TDRD15: variants seen among roughly 807,000 people sequenced by gnomAD.
TDRD15 encodes tudor domain containing 15, also known as tudor domain-containing protein 15.
For missense variants in TDRD15, 1,416 were observed against 904.7 expected (o/e 1.57, Z -7.25); for synonymous variants, 503 against 314.5 (o/e 1.60, Z -6.34).
rs1355649853 is a variant in TDRD15 at position 21,140,914 on chromosome 2, A to G, written c.3447A>G (p.Gln1149=). The G allele has an allele frequency of 4.2e-6, 3 of 708,500 alleles. No homozygotes were observed. Among genetic ancestry groups the G allele is most frequent in the African/African-American group, 1.8e-5 (1 of 56,506 alleles). 43.9% of individuals were successfully genotyped at this position (708,500 alleles called of 1,614,324 possible). A position where few individuals can be genotyped will look rare whatever the true frequency, so the allele number is the denominator to read the frequency against. Residue 1149 remains glutamine (Q), a synonymous_variant, in exon 4 of 4, where the codon CAA becomes CAG. Coordinates refer to ENST00000405799, the MANE Select transcript of TDRD15 (RefSeq NM_001306137.2). ...CTTATGGAAAAAGACATTGTGACCA[A>G]GCATGCTGCATGGAAAAGAGTAATA... is the stretch of plus-strand genomic sequence containing the variant. The part of the protein sequence containing the change: ...LHAYGKRHCD[Q]ACCMEKSNKI...
chr2:21,127,813 C>G (rs573875471), intron 2 of TDRD15, 102 bp downstream of exon 2: 19 of 152,270 alleles, frequency 1.2e-4, no homozygotes, highest in Non-Finnish European at 2.6e-4. Context: ...TTTAGAATCG[C>G]GTTTGAATTT....
Position 21,124,846 on chromosome 2 carries a change from G to A in TDRD15, c.-201+800G>A, listed in dbSNP as rs547496180. On this transcript the variant is annotated intron_variant, in intron 1 of 3. Transcript: ENST00000405799. ...TGTGTGTGTGTGTGTGTGTGACAGA[G>A]TGATCCTAATGCCAGAGTGTGTGTG... Among the ~76,000 whole-genome samples the A allele has an allele frequency of 2.1e-3, 306 of 148,778 alleles. 1 individual carries two copies. The highest frequency in any genetic ancestry group is 7.4e-3 in the African/African-American group (299 of 40,410).
Position 21,143,102 on chromosome 2 carries a change from G to C in TDRD15, c.5635G>C (p.Val1879Leu), listed in dbSNP as rs1010271032. The part of the protein sequence containing the change: ...FRDFLSKPDL[V>L]FQFREYHSET... The stretch of plus-strand genomic sequence containing the variant: ...AGATTTCCTAAGTAAACCAGACTTA[G>C]TTTTTCAGTTTAGGGAATATCATTC... Residue 1879 changes from valine to leucine, a missense_variant, in exon 4 of 4, where the codon GTT becomes CTT. Transcript: ENST00000405799. The C allele has an allele frequency of 2.9e-6, 2 of 696,016 alleles. No individual in the cohort carries two copies. The highest frequency in any genetic ancestry group is 2.4e-4 in the Middle Eastern group (1 of 4,254). 43.1% of individuals were successfully genotyped at this position (696,016 alleles called of 1,614,324 possible).
In TDRD15 at chr2:21,140,590, G is replaced by A. The variant is rs1665903278; in HGVS notation, c.3123G>A (p.Glu1041=). The change falls in exon 4 of 4, where the codon GAG becomes GAA. Residue 1041 remains glutamate, a synonymous_variant. Transcript: ENST00000405799. ...ALAIPTDSSS[E]FQVYFVDFGN... ...CAATACCAACAGATTCATCATCTGA[G>A]TTTCAAGTCTATTTTGTAGACTTTG... 2 of 714,358 alleles carry A rather than the reference G, an allele frequency of 2.8e-6. No individual in the cohort carries two copies. The highest frequency in any genetic ancestry group is 2.6e-6 in the Non-Finnish European group (1 of 383,350). 44.3% of individuals were successfully genotyped at this position (714,358 alleles called of 1,614,324 possible).
Position 21,138,461 on chromosome 2 carries a change from A to G in TDRD15, c.994A>G (p.Ile332Val), listed in dbSNP as rs1665856498. 1.4e-6 allele frequency: 1 copy of G among 714,908 alleles called. No homozygotes were observed. Among genetic ancestry groups the G allele is most frequent in the Middle Eastern group, 2.3e-4 (1 of 4,348 alleles). 44.3% of individuals were successfully genotyped at this position (714,908 alleles called of 1,614,324 possible). Reference sequence around the variant, plus strand: ...TATGGATTATGGCAGTAGCGAGGCTATACCCTCAATTTATGTAAAGAAACT... The same window carrying G: ...TATGGATTATGGCAGTAGCGAGGCTGTACCCTCAATTTATGTAAAGAAACT... Reference protein sequence around the residue: ...WFMDYGSSEAIPSIYVKKLKQ... With the variant: ...WFMDYGSSEAVPSIYVKKLKQ... Residue 332 changes from isoleucine (I) to valine (V), a missense_variant, in exon 4 of 4, where the codon ATA becomes GTA. Coordinates refer to ENST00000405799, the MANE Select transcript of TDRD15 (RefSeq NM_001306137.2).
chr2:21,134,630 G>C (rs1243552427), intron 2 of TDRD15, 132 bp from the exon 3 acceptor site: 4 of 151,926 alleles, frequency 2.6e-5, no homozygotes, highest in African/African-American at 7.2e-5. Context: ...GAAATTGTTA[G>C]AACACTAATG....
chr2:21,139,424 A>C lies in TDRD15; in HGVS notation c.1957A>C (p.Ile653Leu), dbSNP rs933482625. 4 of 712,620 alleles carry C rather than the reference A, an allele frequency of 5.6e-6. No individual in the cohort carries two copies. The African/African-American group carries it at 7.0e-5, about 13-fold the overall frequency. The allele number at this position is 712,620 out of a possible 1,614,324, so 44.1% of individuals were successfully genotyped here. ...TGAAGCCTCAGAAAATATTGATGTT[A>C]TCTCTCTTATGTTACAAGCTGGATA... ...SVEASENIDVISLMLQAGYAE... is the reference protein window; with the variant it reads ...SVEASENIDVLSLMLQAGYAE... Residue 653 changes from isoleucine (I) to leucine (L), a missense_variant, in exon 4 of 4, where the codon ATC (isoleucine) becomes CTC (leucine). Physicochemically the swap from Ile to Leu is conservative, Grantham distance 5. Coordinates refer to ENST00000405799, the MANE Select transcript of TDRD15 (RefSeq NM_001306137.2).
rs1003319213 is a variant in TDRD15 at position 21,143,729 on chromosome 2, T to A, written c.*457T>A. Among the ~76,000 whole-genome samples, 2 of 151,792 alleles carry A rather than the reference T, an allele frequency of 1.3e-5. No individual in the cohort carries two copies. The highest frequency in any genetic ancestry group is 2.1e-4 in the South Asian group (1 of 4,832). On this transcript the variant is annotated 3_prime_UTR_variant, in exon 4 of 4. Coordinates refer to ENST00000405799, the MANE Select transcript of TDRD15 (RefSeq NM_001306137.2). ...TAGATTATTTTCTGTAGATTCTTTT[T>A]ATTTGATTCTTTAAAAGTTTTTCAT...
At chr2:21,131,510 G>A (rs146284703) in intron 2 of TDRD15, among the ~76,000 whole-genome samples, 75 of 152,278 alleles carry the variant, frequency 4.9e-4, no homozygotes, top group African/African-American at 1.8e-3. Flanking sequence ...ATATGAAAAA[G>A]CTTTTAACGT....
downstream of TDRD15, among the ~76,000 whole-genome samples, chr2:21,147,239 G>A (rs1301168583): frequency 6.6e-6 from 1 of 151,806 alleles, no homozygotes; most frequent in Non-Finnish European, 1.5e-5. Flanking sequence ...GATGTATTTA[G>A]TATTAGTATA....
intron 3 of TDRD15, among the ~76,000 whole-genome samples, 194 bp downstream of exon 3, chr2:21,135,041 CAATT>C (rs1665782493): frequency 7.2e-6 from 1 of 139,726 alleles, no homozygotes; most frequent in African/African-American, 2.6e-5. Context: ...TATTTATACA[CAATT>C]TATATATATA....
Position 21,137,667 on chromosome 2 carries a change from T to G in TDRD15, c.200T>G (p.Leu67Trp), listed in dbSNP as rs2103442896. 4.2e-6 allele frequency: 3 copies of G among 714,256 alleles called. No homozygotes were observed. The South Asian group carries it at 4.5e-5, about 11-fold the overall frequency. 44.2% of individuals were successfully genotyped at this position (714,256 alleles called of 1,614,324 possible). Reference sequence around the variant, plus strand: ...AATGTGGAAATTGATGAATTTTGTTTGGTGGAAGAAAGAGTATCTGGAGAA... The same window carrying G: ...AATGTGGAAATTGATGAATTTTGTTGGGTGGAAGAAAGAGTATCTGGAGAA... ...KNNVEIDEFC[L>W]VEERVSGEWQ... Residue 67 changes from leucine (L) to tryptophan (W), a missense_variant, in exon 4 of 4, where the codon TTG becomes TGG. Transcript: ENST00000405799.
downstream of TDRD15, among the ~76,000 whole-genome samples, chr2:21,146,557 G>A (rs1572306023): frequency 1.3e-5 from 2 of 152,048 alleles, no homozygotes; most frequent in South Asian, 2.1e-4. Context: ...TCCTTGTATA[G>A]ATTATGAGAA....
Position 21,144,167 on chromosome 2 carries a change from CTT to C in TDRD15, c.*896_*897del, listed in dbSNP as rs1435383886. 6.6e-6 allele frequency among the ~76,000 whole-genome samples: 1 copy of C among 151,652 alleles called. No individual in the cohort carries two copies. The highest frequency in any genetic ancestry group is 2.4e-5 in the African/African-American group (1 of 41,374). On this transcript the variant is annotated 3_prime_UTR_variant, in exon 4 of 4. Transcript: ENST00000405799. The stretch of plus-strand genomic sequence containing the variant: ...AAATAAACTGACTAGCATATTTTCT[CTT>C]AAGTCTTTTAAATGTCAAACTGATA...
In TDRD15 at chr2:21,137,777, G is replaced by T; in HGVS notation, c.310G>T (p.Gly104Cys). ...IDRGEELRVAGPQIASACGNL... is the reference protein window; with the variant it reads ...IDRGEELRVACPQIASACGNL... ...TCGCGGAGAAGAACTAAGAGTTGCT[G>T]GTCCACAGATTGCTTCAGCCTGTGG... is the stretch of plus-strand genomic sequence containing the variant. The change falls in exon 4 of 4, where the codon GGT becomes TGT. Residue 104 changes from glycine (G) to cysteine (C), a missense_variant. Gly to Cys is a radical substitution (Grantham distance 159, BLOSUM62 -3). Coordinates refer to ENST00000405799, the MANE Select transcript of TDRD15 (RefSeq NM_001306137.2). 1.4e-6 allele frequency: 1 copy of T among 716,556 alleles called. No individual in the cohort carries two copies. Among genetic ancestry groups the T allele is most frequent in the Non-Finnish European group, 2.6e-6 (1 of 384,496 alleles). 44.4% of individuals were successfully genotyped at this position (716,556 alleles called of 1,614,324 possible).
Position 21,140,619 on chromosome 2 carries a change from A to G in TDRD15, c.3152A>G (p.Asn1051Ser). The change falls in exon 4 of 4, where the codon AAT becomes AGT. Residue 1051 changes from asparagine to serine, a missense_variant. Asn to Ser is a conservative substitution (Grantham distance 46). Coordinates refer to ENST00000405799, the MANE Select transcript of TDRD15 (RefSeq NM_001306137.2). ...EFQVYFVDFG[N>S]KQLVGENMLR... is the part of the protein sequence containing the mutation. ...CAAGTCTATTTTGTAGACTTTGGAA[A>G]TAAGCAATTAGTAGGAGAAAATATG... 2 of 715,418 alleles carry G rather than the reference A, an allele frequency of 2.8e-6. No homozygotes were observed. Among genetic ancestry groups the G allele is most frequent in the East Asian group, 2.7e-5 (1 of 37,204 alleles). The allele number at this position is 715,418 out of a possible 1,614,324, so 44.3% of individuals were successfully genotyped here.
downstream of TDRD15, among the ~76,000 whole-genome samples, chr2:21,146,225 G>C (rs546079313): frequency 5.1e-3 from 783 of 152,048 alleles, 1 homozygote; most frequent in Non-Finnish European, 9.1e-3. Context: ...CAGTAATTTT[G>C]AGCTAAACTT....
At position 21,139,762 on chromosome 2, in the gene TDRD15, T is replaced by C. The variant is rs759511081; in HGVS notation, c.2295T>C (p.Tyr765=). The C allele has an allele frequency of 4.2e-6, 3 of 715,496 alleles. No individual in the cohort carries two copies. In the South Asian group the frequency reaches 4.4e-5, roughly 11 times the overall value. 44.3% of individuals were successfully genotyped at this position (715,496 alleles called of 1,614,324 possible). ...GTVLEVKCSC[Y]YGPGDFSCQL... is the part of the protein sequence containing the mutation. ...TTCTTGAAGTTAAATGTTCCTGTTA[T>C]TATGGCCCAGGTGACTTTTCATGCC... The change falls in exon 4 of 4, where the codon TAT becomes TAC. Residue 765 remains tyrosine, a synonymous_variant. Coordinates refer to ENST00000405799, the MANE Select transcript of TDRD15 (RefSeq NM_001306137.2).
At chr2:21,124,130 ACCTACAGGGGCTTTGGCCT>A (rs1360412120) in intron 1 of TDRD15, 84 bp downstream of exon 1, 1 of 152,652 alleles carries the variant, frequency 6.6e-6, no homozygotes, top group East Asian at 1.9e-4. Context: ...TTCTCCTCCG[ACCTACAGGGGCTTTGGCCT>A]CCCAGGGGCG....
Sources: gnomAD v4.1 joint callset for allele counts (sites outside exome capture counted in the v4.1 genomes callset) on GRCh38, gnomAD v4.1.1 for gene constraint, MANE v1.5 for transcripts, NCBI Gene and HGNC (gene_info 2026-07-23, HGNC 2026-07-21) for gene names.